Variants in PTPRT observed in about 807,000 individuals in gnomAD.
The protein encoded by PTPRT is receptor-type tyrosine-protein phosphatase T.
Under a neutral mutation model 176.8 loss-of-function variants are expected in PTPRT, and 56 were observed. The ratio of observed to expected loss-of-function variants is 0.32; its 90% CI spans 0.26 to 0.40. PTPRT has a LOEUF of 0.40. Ranked by LOEUF, PTPRT falls within the 10% of genes least tolerant of loss-of-function variation. The pLI is 1.00. For synonymous variants in PTPRT, 783 were observed against 739.0 expected, an observed-to-expected ratio of 1.06 and a Z score of -0.96; for missense variants, 1,540 against 1,908.2, an observed-to-expected ratio of 0.81 and a Z score of 3.60.
chr20:42,896,697 G>A lies in PTPRT; in HGVS notation c.89-10765C>T, dbSNP rs571475654. 1.3e-4 allele frequency among the ~76,000 whole-genome samples: 20 copies of A among 151,494 alleles called. 1 individual carries two copies. The South Asian group carries it at 2.1e-3, about 16-fold the overall frequency. The stretch of plus-strand genomic sequence containing the variant: ...GATAGCAGAGCATTAAACCAAGCAC[G>A]GGCTCTTCTCTTCTGAGTTCCAGGG... On this transcript the variant is annotated intron_variant, in intron 1 of 30. Transcript: ENST00000373187.
intron 2 of PTPRT, among the ~76,000 whole-genome samples, chr20:42,828,715 C>T (rs2078038180): frequency 6.6e-6 from 1 of 152,148 alleles, no homozygotes; most frequent in Non-Finnish European, 1.5e-5. Context: ...AAGTCCTGTG[C>T]CCTAGCAGCT....
intron 1 of PTPRT, among the ~76,000 whole-genome samples, chr20:42,910,950 G>A (rs763518656): frequency 2.6e-5 from 4 of 152,138 alleles, no homozygotes; most frequent in Admixed American, 2.6e-4. Context: ...GCAGCAGGAA[G>A]GAGAAGTGCC....
chr20:42,724,209 C>T (rs2076343965), intron 6 of PTPRT, among the ~76,000 whole-genome samples: 1 of 152,208 alleles, frequency 6.6e-6, no homozygotes, highest in Non-Finnish European at 1.5e-5. Context: ...ATATTAACCA[C>T]TGAGATCAAT....
At chr20:42,392,826 A>G (rs1262050905) in intron 9 of PTPRT, among the ~76,000 whole-genome samples, 1 of 152,214 alleles carries the variant, frequency 6.6e-6, no homozygotes, top group Non-Finnish European at 1.5e-5. Flanking sequence ...ATCGGTTGCT[A>G]GGTTCATGGC....
At chr20:42,694,278 T>C (rs898420182) in intron 6 of PTPRT, among the ~76,000 whole-genome samples, 2 of 152,144 alleles carry the variant, frequency 1.3e-5, no homozygotes, top group Non-Finnish European at 1.5e-5. Context: ...GACCTCGTGA[T>C]CCACCTGCCT....
intron 9 of PTPRT, among the ~76,000 whole-genome samples, chr20:42,439,808 G>T (rs1444708377): frequency 3.9e-5 from 6 of 152,140 alleles, no homozygotes; most frequent in African/African-American, 1.2e-4. Flanking sequence ...TATTTGGACC[G>T]CAATAAGGCC....
intron 7 of PTPRT, among the ~76,000 whole-genome samples, chr20:42,534,340 G>A (rs2072437736): frequency 6.6e-6 from 1 of 152,132 alleles, no homozygotes; most frequent in Non-Finnish European, 1.5e-5. Context: ...AAGACATCAA[G>A]ATACAAAACT....
At chr20:42,290,692 A>T (rs1433729070) in intron 12 of PTPRT, among the ~76,000 whole-genome samples, 1 of 151,902 alleles carries the variant, frequency 6.6e-6, no homozygotes, top group Non-Finnish European at 1.5e-5. Context: ...TACCTACCTT[A>T]TTACTCAAAA....
chr20:42,454,852 T>C (rs979369452), intron 8 of PTPRT, among the ~76,000 whole-genome samples: 1 of 152,214 alleles, frequency 6.6e-6, no homozygotes, highest in African/African-American at 2.4e-5. Context: ...CACTGAATAA[T>C]GCTTACTGCA....
chr20:42,702,751 G>C (rs1354413182), intron 6 of PTPRT, among the ~76,000 whole-genome samples: 1 of 152,202 alleles, frequency 6.6e-6, no homozygotes, highest in African/African-American at 2.4e-5. Context: ...AGGTAGCAAG[G>C]TGGTGTTTAT....
intron 2 of PTPRT, among the ~76,000 whole-genome samples, chr20:42,853,853 C>T (rs541617775): frequency 6.6e-6 from 1 of 152,332 alleles, no homozygotes; most frequent in East Asian, 1.9e-4. Flanking sequence ...ACTTTAATCA[C>T]TACTATCTTG....
chr20:43,090,700 T>C (rs865790504), intron 1 of PTPRT, among the ~76,000 whole-genome samples: 5 of 151,902 alleles, frequency 3.3e-5, no homozygotes, highest in South Asian at 2.1e-4. Context: ...ATTAAAGAAA[T>C]TTCCTAGAAT....
intron 7 of PTPRT, among the ~76,000 whole-genome samples, chr20:42,568,230 G>C (rs563078355): frequency 6.6e-6 from 1 of 152,278 alleles, no homozygotes; most frequent in Admixed American, 6.5e-5. Context: ...GCCTCCCAAA[G>C]TGCTGGGATT....
intron 15 of PTPRT, among the ~76,000 whole-genome samples, chr20:42,206,291 G>A (rs1017145682): frequency 1.3e-5 from 2 of 152,238 alleles, no homozygotes; most frequent in East Asian, 1.9e-4. Flanking sequence ...CAAGATGGCC[G>A]AATAGGAACA....
At chr20:42,039,790 GTATATTCCAACAATATTCCA>G in the PTPRT span, among the ~76,000 whole-genome samples, 1 of 148,434 alleles carries the variant, frequency 6.7e-6, no homozygotes, top group Admixed American at 6.7e-5. Context: ...GGTATTTTCC[GTATATTCCAACAATATTCCA>G]TTGTGTATAT....
At chr20:42,345,607 T>A (rs1352385144) in intron 11 of PTPRT, among the ~76,000 whole-genome samples, 2 of 140,936 alleles carry the variant, frequency 1.4e-5, no homozygotes, top group Non-Finnish European at 3.2e-5. Context: ...TGTGTGTGTG[T>A]GTGTGTGTGT....
chr20:42,558,720 C>A (rs558362248), intron 7 of PTPRT, among the ~76,000 whole-genome samples: 2 of 152,130 alleles, frequency 1.3e-5, no homozygotes, highest in South Asian at 2.1e-4. Context: ...CCCATCAGTA[C>A]CGGCTTAGAG....
chr20:42,514,328 C>A (rs2072019769), intron 7 of PTPRT, among the ~76,000 whole-genome samples: 1 of 152,194 alleles, frequency 6.6e-6, no homozygotes, highest in South Asian at 2.1e-4. Context: ...GATATGAAGT[C>A]ATATCACCTA....
At chr20:42,831,413 A>G (rs539011679) in intron 2 of PTPRT, among the ~76,000 whole-genome samples, 2 of 152,336 alleles carry the variant, frequency 1.3e-5, no homozygotes, top group South Asian at 2.1e-4. Flanking sequence ...AAAGCCCCAA[A>G]CTATAAAAAC....
Sources: allele counts gnomAD v4.1 joint callset (sites outside exome capture counted in the v4.1 genomes callset), GRCh38; gene constraint gnomAD v4.1.1; transcripts MANE v1.5; gene names NCBI Gene and HGNC (gene_info 2026-07-23, HGNC 2026-07-21).